The following HOXB3 variants were observed in gnomAD, a reference collection of about 807,000 sequenced individuals.
The protein encoded by HOXB3 is homeobox B3.
A neutral mutation model predicts 29.2 loss-of-function variants in HOXB3; 17 were observed. The ratio of observed to expected loss-of-function variants is 0.58; its 90% CI spans 0.40 to 0.87. The LOEUF is 0.87. Among genes scored for constraint, HOXB3 ranks in the 40% least tolerant of loss-of-function variants. The pLI, the probability that HOXB3 is intolerant of heterozygous loss-of-function variation, is 0.00. For missense variants in HOXB3, 637 were observed against 616.3 expected (o/e 1.03, Z -0.35); for synonymous variants, 317 against 285.9 (o/e 1.11, Z -1.10).
intron 1 of HOXB3, chr17:48,580,287 G>A (rs2069901616): frequency 6.8e-6 from 1 of 147,882 alleles, no homozygotes; most frequent in African/African-American, 2.7e-5. Context: ...CTTTCTGGGT[G>A]CCTTCGCGCC....
chr17:48,576,451 C>T, intron 1 of HOXB3: 1 of 371,396 alleles, frequency 2.7e-6, no homozygotes, highest in Non-Finnish European at 4.8e-6. Flanking sequence ...CTTCCTTCTT[C>T]TTGCTTTTTC....
At chr17:48,551,342 C>A in intron 4 of HOXB3, 161 bp from the exon 5 acceptor site, 2 of 816,130 alleles carry the variant, frequency 2.5e-6, no homozygotes, top group Non-Finnish European at 3.2e-6. Flanking sequence ...CACTCCCCCA[C>A]CCCACCGCCC....
intron 1 of HOXB3, among the ~76,000 whole-genome samples, chr17:48,587,993 G>T (rs1413297365): frequency 2.0e-5 from 3 of 152,200 alleles, no homozygotes; most frequent in African/African-American, 7.2e-5. Flanking sequence ...GCCTGGACTG[G>T]CAGGGAGAGA....
At chr17:48,559,596 G>A (rs971382143) in intron 2 of HOXB3, 1 of 152,208 alleles carries the variant, frequency 6.6e-6, no homozygotes, top group Non-Finnish European at 1.5e-5. Flanking sequence ...TATTAACGAA[G>A]ATTTCAAAGC....
At chr17:48,557,900 G>A (rs1446446176) in intron 2 of HOXB3, among the ~76,000 whole-genome samples, 1 of 151,980 alleles carries the variant, frequency 6.6e-6, no homozygotes, top group Non-Finnish European at 1.5e-5. Context: ...AGTCTGTCCT[G>A]AGATCTCTAC....
At chr17:48,566,297 G>A (rs1217774834) in intron 2 of HOXB3, among the ~76,000 whole-genome samples, 2 of 152,286 alleles carry the variant, frequency 1.3e-5, no homozygotes, top group East Asian at 3.9e-4. Flanking sequence ...GGCATCACAT[G>A]GGGGATTTAC....
chr17:48,565,179 C>T (rs2069351933), intron 2 of HOXB3, among the ~76,000 whole-genome samples: 1 of 152,134 alleles, frequency 6.6e-6, no homozygotes, highest in Non-Finnish European at 1.5e-5. Context: ...CCAACTCCCC[C>T]CACCCCCATG....
intron 1 of HOXB3, among the ~76,000 whole-genome samples, chr17:48,582,919 G>A (rs1286202122): frequency 6.6e-6 from 1 of 152,210 alleles, no homozygotes; most frequent in African/African-American, 2.4e-5. Flanking sequence ...GGCTGGCACG[G>A]GGAAAACTGA....
At chr17:48,553,468 T>TC (rs1027587921) in intron 3 of HOXB3, 17 of 151,712 alleles carry the variant, frequency 1.1e-4, no homozygotes, top group African/African-American at 3.6e-4. Context: ...TTTTTTTTTT[T>TC]CATGAGACTT....
chr17:48,582,297 G>A (rs2069962352), intron 1 of HOXB3: 1 of 152,388 alleles, frequency 6.6e-6, no homozygotes, highest in Non-Finnish European at 1.5e-5. Flanking sequence ...CTCACCGGGA[G>A]GCTCCCCAGC....
chr17:48,572,154 C>T (rs1350395734), intron 2 of HOXB3, among the ~76,000 whole-genome samples: 1 of 152,192 alleles, frequency 6.6e-6, no homozygotes, highest in Admixed American at 6.5e-5. Flanking sequence ...TTAAAAGTTT[C>T]TGGAAACTTT....
chr17:48,568,702 T>C (rs985082105), intron 2 of HOXB3, among the ~76,000 whole-genome samples: 1 of 151,250 alleles, frequency 6.6e-6, no homozygotes, highest in African/African-American at 2.4e-5. Flanking sequence ...CTGACACCCA[T>C]ATTGCTATAA....
intron 2 of HOXB3, among the ~76,000 whole-genome samples, chr17:48,571,931 T>G (rs2069597524): frequency 6.6e-6 from 1 of 152,226 alleles, no homozygotes; most frequent in Non-Finnish European, 1.5e-5. Flanking sequence ...CCCAGCAAGG[T>G]TCTGTCTCTC....
intron 1 of HOXB3, among the ~76,000 whole-genome samples, chr17:48,588,993 G>A (rs187483958): frequency 6.6e-6 from 1 of 152,210 alleles, no homozygotes; most frequent in South Asian, 2.1e-4. Flanking sequence ...TGGCAGGCTG[G>A]TGAAAGTAGG....
chr17:48,556,434 C>T (rs1431780123), intron 2 of HOXB3: 1 of 152,098 alleles, frequency 6.6e-6, no homozygotes, highest in East Asian at 1.9e-4. Context: ...TGGCTCCCTC[C>T]TTCTGAGTCT....
At chr17:48,575,032 G>A (rs1015855082) in intron 1 of HOXB3, 3 of 152,286 alleles carry the variant, frequency 2.0e-5, no homozygotes, top group African/African-American at 7.2e-5. Context: ...CACCTCAGAG[G>A]AAAGCGATAC....
At chr17:48,562,559 C>G in intron 2 of HOXB3, among the ~76,000 whole-genome samples, 1 of 152,192 alleles carries the variant, frequency 6.6e-6, no homozygotes, top group East Asian at 1.9e-4. Context: ...GATGCCCCAA[C>G]AATGCAGCGA....
rs770485641 is a variant in HOXB3, at chr17:48,550,581, G to C, written c.1049C>G (p.Pro350Arg). ...GTAGCCGCCCCCGCCCACGTACACC[G>C]GACTGCCCTGCATGGTGGGCGTCCC... is the stretch of plus-strand genomic sequence containing the variant. ...AYGTPTMQGS[P>R]VYVGGGGYAD... The change falls in exon 5 of 5, where the codon CCG (proline) becomes CGG (arginine). Residue 350 changes from proline to arginine, a missense_variant. Physicochemically the swap from Pro to Arg is moderately radical, Grantham distance 103. Transcript: ENST00000498678. 4 of 1,528,078 alleles carry C rather than the reference G, an allele frequency of 2.6e-6. No homozygotes were observed. Among genetic ancestry groups the C allele is most frequent in the Non-Finnish European group, 3.5e-6 (4 of 1,147,562 alleles). 94.7% of individuals were successfully genotyped at this position (1,528,078 alleles called of 1,614,324 possible).
Position 48,555,516 on chromosome 17 carries a change from T to C in HOXB3, c.-159+15A>G, listed in dbSNP as rs542125187. On this transcript the variant is annotated intron_variant, in intron 3 of 4. Coordinates refer to ENST00000498678, the MANE Select transcript of HOXB3 (RefSeq NM_001384749.1). The stretch of plus-strand genomic sequence containing the variant: ...CGCCATTCACAAACTGATAGCCTAT[T>C]TCAGTCCAGCTTACCTTAGCCACCG... 1,074 of 702,684 alleles carry C rather than the reference T, an allele frequency of 1.5e-3. 2 individuals are homozygous for C. The highest frequency in any genetic ancestry group is 2.0e-3 in the Non-Finnish European group (762 of 384,816). The allele number at this position is 702,684 out of a possible 1,614,324, so 43.5% of individuals were successfully genotyped here.
Sources: gnomAD v4.1 joint callset for allele counts (sites outside exome capture counted in the v4.1 genomes callset) on GRCh38, gnomAD v4.1.1 for gene constraint, MANE v1.5 for transcripts, NCBI Gene and HGNC (gene_info 2026-07-23, HGNC 2026-07-21) for gene names.